MELK: variants seen among roughly 807,000 people sequenced by gnomAD.
MELK encodes the protein maternal embryonic leucine zipper kinase.
Under a neutral mutation model 85.0 loss-of-function variants are expected in MELK, and 81 were observed. The observed-to-expected ratio is 0.95, with a 90% CI of 0.80 to 1.15. MELK has a LOEUF of 1.15. Ranked by LOEUF, MELK falls within the 50% of genes most tolerant of loss-of-function variation. The pLI, the probability that MELK is intolerant of heterozygous loss-of-function variation, is 0.00. For synonymous variants in MELK, 252 were observed against 265.0 expected, an observed-to-expected ratio of 0.95 and a Z score of 0.48; for missense variants, 754 against 777.5, an observed-to-expected ratio of 0.97 and a Z score of 0.36.
intron 8 of MELK, among the ~76,000 whole-genome samples, chr9:36,613,053 C>A (rs370575665): frequency 9.9e-5 from 15 of 152,196 alleles, no homozygotes; most frequent in African/African-American, 3.6e-4. Flanking sequence ...TGTGGCCTCC[C>A]ATCACCTCAC....
intron 4 of MELK, among the ~76,000 whole-genome samples, chr9:36,590,652 C>A (rs1272642942): frequency 1.3e-5 from 2 of 152,172 alleles, no homozygotes; most frequent in Non-Finnish European, 2.9e-5. Flanking sequence ...TTTTAACTTG[C>A]CATTTTTGTC....
intron 7 of MELK, among the ~76,000 whole-genome samples, chr9:36,602,473 G>C (rs1163074528): frequency 8.7e-6 from 1 of 115,174 alleles, no homozygotes; most frequent in Non-Finnish European, 1.6e-5. Context: ...CTGGGTGACA[G>C]AGCAAGACTG....
At chr9:36,634,868 A>G (rs1179570977) in intron 10 of MELK, among the ~76,000 whole-genome samples, 1 of 151,504 alleles carries the variant, frequency 6.6e-6, no homozygotes, top group Admixed American at 6.6e-5. Context: ...GTGGTGGCAC[A>G]CACCTGTAAT....
At position 36,669,418 on chromosome 9, in the gene MELK, G is replaced by A. The variant is rs1381786100; in HGVS notation, c.1505+12G>A. The A allele has an allele frequency of 6.4e-7, 1 of 1,559,752 alleles. No homozygotes were observed. The highest frequency in any genetic ancestry group is 8.7e-7 in the Non-Finnish European group (1 of 1,147,254). On this transcript the variant is annotated intron_variant, in intron 15 of 17. Coordinates refer to ENST00000298048, the MANE Select transcript of MELK (RefSeq NM_014791.4). ...AGCCCTGAGAGGCGGTAAGTGTTTGGTTTTTTTAGACTCTAATCTTTAGTA... is the reference window on the plus strand; with the variant it reads ...AGCCCTGAGAGGCGGTAAGTGTTTGATTTTTTTAGACTCTAATCTTTAGTA...
chr9:36,630,154 A>G (rs753026051), intron 8 of MELK, 145 bp from the exon 9 acceptor site: 38 of 691,386 alleles, frequency 5.5e-5, no homozygotes, highest in Non-Finnish European at 9.2e-5. Context: ...CAAGAAATTG[A>G]TTTTTTTTAG....
At chr9:36,615,441 G>T (rs1587442409) in intron 8 of MELK, among the ~76,000 whole-genome samples, 1 of 143,034 alleles carries the variant, frequency 7.0e-6, no homozygotes, top group Admixed American at 6.8e-5. Context: ...CCAGGCGGGG[G>T]GCTGACCCCC....
At chr9:36,667,134 C>CTT (rs1315029155) in intron 14 of MELK, among the ~76,000 whole-genome samples, 2 of 150,876 alleles carry the variant, frequency 1.3e-5, no homozygotes, top group Non-Finnish European at 2.9e-5. Context: ...ATTCAACGAT[C>CTT]TTTTTTTTCC....
At chr9:36,656,242 C>A (rs1831228768) in intron 12 of MELK, among the ~76,000 whole-genome samples, 1 of 152,096 alleles carries the variant, frequency 6.6e-6, no homozygotes, top group South Asian at 2.1e-4. Context: ...AAAGAAGAAA[C>A]CTATATTTCG....
chr9:36,590,227 A>C (rs1823403256), intron 4 of MELK, among the ~76,000 whole-genome samples: 1 of 151,934 alleles, frequency 6.6e-6, no homozygotes, highest in South Asian at 2.1e-4. Context: ...GCCTCATTCT[A>C]GTTTTATATG....
intron 1 of MELK, among the ~76,000 whole-genome samples, chr9:36,574,743 ATAT>A (rs1821469229): frequency 6.6e-6 from 1 of 152,240 alleles, no homozygotes; most frequent in Admixed American, 6.5e-5. Context: ...AGCCCAAATA[ATAT>A]TGTTAAAAAA....
At chr9:36,602,079 A>T (rs369805978) in intron 7 of MELK, among the ~76,000 whole-genome samples, 49 of 152,312 alleles carry the variant, frequency 3.2e-4, no homozygotes, top group African/African-American at 1.2e-3. Flanking sequence ...TCTTTTGGGT[A>T]TATATTCAGA....
intron 13 of MELK, among the ~76,000 whole-genome samples, chr9:36,658,020 A>G (rs1219529725): frequency 6.6e-6 from 1 of 151,960 alleles, no homozygotes; most frequent in Non-Finnish European, 1.5e-5. Flanking sequence ...AAATTAAGAT[A>G]TAAAACAGTT....
chr9:36,584,497 T>A (rs961567141), intron 3 of MELK, among the ~76,000 whole-genome samples: 1 of 144,510 alleles, frequency 6.9e-6, no homozygotes, highest in African/African-American at 2.5e-5. Flanking sequence ...TTTTTGTATT[T>A]TTTTTTTTTT....
rs138664455 is a variant in MELK at position 36,580,955 on chromosome 9, C to T, written c.-38-689C>T. On this transcript the variant is annotated intron_variant, in intron 1 of 17. Transcript: ENST00000298048. ...ATGTTGGCCAGGCTGGTCTCGAACT[C>T]ATGATCTCGTGATCTGCCTGCCTTG... 6.6e-5 allele frequency among the ~76,000 whole-genome samples: 10 copies of T among 151,842 alleles called. No homozygotes were observed. In the East Asian group the frequency reaches 1.8e-3, roughly 27 times the overall value.
Position 36,606,358 on chromosome 9 carries a change from A to AATATATACATATGTATAGGTGTGTATAT in MELK, c.568-1215_568-1188dup, listed in dbSNP as rs1825491548. ...TATACATATGTATAGGTGTGTATAT[A>AATATATACATATGTATAGGTGTGTATAT]ATATATACATATGTATAGGTGTGTA... On this transcript the variant is annotated intron_variant, in intron 7 of 17. Coordinates refer to ENST00000298048, the MANE Select transcript of MELK (RefSeq NM_014791.4). Among the ~76,000 whole-genome samples, 3 of 134,568 alleles carry AATATATACATATGTATAGGTGTGTATAT rather than the reference A, an allele frequency of 2.2e-5. 1 individual carries two copies. Among genetic ancestry groups the AATATATACATATGTATAGGTGTGTATAT allele is most frequent in the Non-Finnish European group, 4.6e-5 (3 of 65,488 alleles). 88.3% of individuals were successfully genotyped at this position (134,568 alleles called of 152,430 possible). A position where few individuals can be genotyped will look rare whatever the true frequency, so the allele number is the denominator to read the frequency against.
At chr9:36,595,637 A>C (rs1028300820) in intron 5 of MELK, among the ~76,000 whole-genome samples, 8 of 127,512 alleles carry the variant, frequency 6.3e-5, no homozygotes, top group East Asian at 2.3e-4. Flanking sequence ...GCAAGATCTC[A>C]CTCTGTCACC....
intron 8 of MELK, among the ~76,000 whole-genome samples, chr9:36,625,175 G>C (rs1227318058): frequency 6.6e-6 from 1 of 152,092 alleles, no homozygotes; most frequent in Non-Finnish European, 1.5e-5. Flanking sequence ...AGCTGATAGA[G>C]GACACTCTAG....
intron 8 of MELK, among the ~76,000 whole-genome samples, chr9:36,618,047 T>G (rs1189301324): frequency 6.6e-6 from 1 of 152,004 alleles, no homozygotes; most frequent in African/African-American, 2.4e-5. Flanking sequence ...GAGGATTGCT[T>G]GAGCCTAGGA....
chr9:36,649,764 A>G (rs1400601825), intron 11 of MELK, among the ~76,000 whole-genome samples: 1 of 151,928 alleles, frequency 6.6e-6, no homozygotes, highest in Non-Finnish European at 1.5e-5. Context: ...GCGAGACTCT[A>G]TCTCAAAAAA....
Sources: allele counts gnomAD v4.1 joint callset (sites outside exome capture counted in the v4.1 genomes callset), GRCh38; gene constraint gnomAD v4.1.1; transcripts MANE v1.5; gene names NCBI Gene and HGNC (gene_info 2026-07-23, HGNC 2026-07-21).